The following PAPSS2 variants were observed in gnomAD, a reference collection of about 807,000 sequenced individuals.
PAPSS2 encodes bifunctional 3'-phosphoadenosine 5'-phosphosulfate synthase 2.
PAPSS2 carries 61 observed loss-of-function variants against 66.5 expected under a neutral mutation model. The ratio of observed to expected loss-of-function variants is 0.92; its 90% CI spans 0.75 to 1.14. The LOEUF (loss-of-function observed/expected upper bound fraction) is 1.14, where lower values mean the gene tolerates loss of function less well. PAPSS2 is among the 50% of genes most tolerant of loss of function. The probability of loss-of-function intolerance (pLI) is 0.00; values close to 1 mark genes in which losing one functional copy is unlikely to be tolerated. For missense variants in PAPSS2, 708 were observed against 789.6 expected (o/e 0.90, Z 1.24); for synonymous variants, 289 against 287.5 (o/e 1.01, Z -0.05).
At chr10:87,671,316 T>C (rs1852875434) in intron 1 of PAPSS2, among the ~76,000 whole-genome samples, 1 of 152,232 alleles carries the variant, frequency 6.6e-6, no homozygotes, top group African/African-American at 2.4e-5. Context: ...TTGAAAGGGA[T>C]TTCCTTAGGG....
In PAPSS2 at chr10:87,746,110, A is replaced by C; in HGVS notation, c.*140A>C. On this transcript the variant is annotated 3_prime_UTR_variant, in exon 13 of 13. Transcript: ENST00000456849. ...GAAGTAAAAGTTGTGTCTATAATTA[A>C]AAAAAAATATATATATATACACACA... 2 of 544,354 alleles carry C rather than the reference A, an allele frequency of 3.7e-6. No homozygotes were observed. The highest frequency in any genetic ancestry group is 5.6e-4 in the Middle Eastern group (1 of 1,788). The allele number at this position is 544,354 out of a possible 1,614,324, so 33.7% of individuals were successfully genotyped here. A position where few individuals can be genotyped will look rare whatever the true frequency, so the allele number is the denominator to read the frequency against.
intron 10 of PAPSS2, among the ~76,000 whole-genome samples, chr10:87,743,161 G>A (rs578037008): frequency 5.3e-5 from 8 of 151,364 alleles, no homozygotes; most frequent in South Asian, 2.1e-4. Flanking sequence ...CAGGAGAATC[G>A]CTTGAATCCT....
intron 7 of PAPSS2, among the ~76,000 whole-genome samples, chr10:87,717,069 T>G (rs1005821092): frequency 1.3e-5 from 2 of 152,158 alleles, no homozygotes; most frequent in African/African-American, 4.8e-5. Flanking sequence ...CCTGGCCCAG[T>G]GCTCCTTACA....
At chr10:87,707,564 C>CTTTTTTTTTTT (rs747152482) in intron 1 of PAPSS2, among the ~76,000 whole-genome samples, 70 of 93,922 alleles carry the variant, frequency 7.5e-4, no homozygotes, top group Non-Finnish European at 9.4e-4. Flanking sequence ...TCTTTTTTTT[C>CTTTTTTTTTTT]TTTTTTTTTT....
At chr10:87,745,327 C>T (rs1363995346) in intron 12 of PAPSS2, 96 bp downstream of exon 12, 1 of 922,752 alleles carries the variant, frequency 1.1e-6, no homozygotes, top group Admixed American at 2.0e-5. Flanking sequence ...AGTGCATTGC[C>T]ACATGCTCCC....
Position 87,726,936 on chromosome 10 carries a change from G to T in PAPSS2, c.881-348G>T, listed in dbSNP as rs567148843. Reference sequence around the variant, plus strand: ...TTTGCTAGCTTAATTTTATTTAATTGGGTTTTGGAAAATTTTAAACTCCCT... The same window carrying T: ...TTTGCTAGCTTAATTTTATTTAATTTGGTTTTGGAAAATTTTAAACTCCCT... On this transcript the variant is annotated intron_variant, in intron 8 of 12. Transcript: ENST00000456849. Among the ~76,000 whole-genome samples, 4 of 152,234 alleles carry T rather than the reference G, an allele frequency of 2.6e-5. No homozygotes were observed. The South Asian group carries it at 8.3e-4, about 32-fold the overall frequency.
intron 10 of PAPSS2, 49 bp from the exon 11 acceptor site, chr10:87,743,324 T>C (rs1296341339): frequency 5.1e-6 from 8 of 1,581,206 alleles, no homozygotes; most frequent in African/African-American, 1.4e-5. Context: ...TGTGGAGAAA[T>C]GACACCATGT....
intron 1 of PAPSS2, among the ~76,000 whole-genome samples, chr10:87,665,801 T>C (rs1381766901): frequency 1.3e-5 from 2 of 152,160 alleles, no homozygotes; most frequent in African/African-American, 4.8e-5. Context: ...CCTCTCTCAG[T>C]GAAGCTGTCA....
At chr10:87,721,828 C>T (rs558279992) in intron 8 of PAPSS2, 58 bp downstream of exon 8, 24 of 993,420 alleles carry the variant, frequency 2.4e-5, no homozygotes, top group Middle Eastern at 2.7e-4. Context: ...GTTAAATTAA[C>T]TGGAAATGGT....
At chr10:87,722,700 A>C (rs1291654246) in intron 8 of PAPSS2, among the ~76,000 whole-genome samples, 1 of 152,252 alleles carries the variant, frequency 6.6e-6, no homozygotes, top group South Asian at 2.1e-4. Flanking sequence ...GTTGAAAGTC[A>C]TGGGTGATGT....
intron 1 of PAPSS2, among the ~76,000 whole-genome samples, chr10:87,662,868 TTTTC>T (rs1158209896): frequency 4.6e-5 from 7 of 151,608 alleles, no homozygotes; most frequent in Admixed American, 4.6e-4. Context: ...TCCTTATTTA[TTTTC>T]TTTCTTTCTT....
At chr10:87,742,562 C>G (rs1397292853) in intron 10 of PAPSS2, among the ~76,000 whole-genome samples, 2 of 152,084 alleles carry the variant, frequency 1.3e-5, no homozygotes, top group Non-Finnish European at 2.9e-5. Context: ...ATACTATAGA[C>G]ATAAAAATTA....
In PAPSS2 at chr10:87,743,491, C is replaced by A. The variant is rs1853897673; in HGVS notation, c.1341C>A (p.His447Gln). Residue 447 changes from histidine to glutamine, a missense_variant, in exon 11 of 13, where the codon CAC becomes CAA. By Grantham distance (24) the His-to-Gln change is conservative. Coordinates refer to ENST00000456849, the MANE Select transcript of PAPSS2 (RefSeq NM_001015880.2). Reference protein sequence around the residue: ...RGYKHPVLLLHPLGGWTKDDD... With the variant: ...RGYKHPVLLLQPLGGWTKDDD... Reference sequence around the variant, plus strand: ...ACAAGCACCCGGTCCTCCTACTACACCCTCTGGGCGGCTGGACCAAGGATG... The same window carrying A: ...ACAAGCACCCGGTCCTCCTACTACAACCTCTGGGCGGCTGGACCAAGGATG... 1.9e-6 allele frequency: 3 copies of A among 1,614,040 alleles called. No individual in the cohort carries two copies. The highest frequency in any genetic ancestry group is 2.5e-6 in the Non-Finnish European group (3 of 1,180,024).
intron 9 of PAPSS2, among the ~76,000 whole-genome samples, chr10:87,739,330 GC>G (rs1357892915): frequency 6.6e-6 from 1 of 152,162 alleles, no homozygotes; most frequent in Non-Finnish European, 1.5e-5. Flanking sequence ...TAGGGTTTTA[GC>G]TAATAGTCTA....
chr10:87,745,293 T>A, intron 12 of PAPSS2, 62 bp downstream of exon 12: 1 of 1,377,132 alleles, frequency 7.3e-7, no homozygotes, highest in Non-Finnish European at 1.0e-6. Context: ...TGAGGCAGAA[T>A]TTGGGCCCTT....
intron 1 of PAPSS2, among the ~76,000 whole-genome samples, chr10:87,693,009 T>A (rs1853190059): frequency 6.6e-6 from 1 of 152,218 alleles, no homozygotes; most frequent in African/African-American, 2.4e-5. Flanking sequence ...GGAAGTCATA[T>A]TACAGTGAAT....
chr10:87,661,016 G>A (rs1485104343), intron 1 of PAPSS2: 1 of 455,948 alleles, frequency 2.2e-6, no homozygotes, highest in Non-Finnish European at 4.4e-6. Flanking sequence ...TGAATGGGTT[G>A]ACCTCTCTCT....
At chr10:87,662,509 C>T (rs1484796881) in intron 1 of PAPSS2, among the ~76,000 whole-genome samples, 2 of 152,056 alleles carry the variant, frequency 1.3e-5, no homozygotes, top group African/African-American at 4.8e-5. Flanking sequence ...CACATTCATC[C>T]CTTCATCATT....
At chr10:87,673,689 C>CTTTT (rs34935261) in intron 1 of PAPSS2, among the ~76,000 whole-genome samples, 179 of 67,344 alleles carry the variant, frequency 2.7e-3, no homozygotes, top group South Asian at 5.8e-3. Flanking sequence ...TTTTGGCTTA[C>CTTTT]TTTTTTTTTT....
Sources: gnomAD v4.1 joint callset for allele counts (sites outside exome capture counted in the v4.1 genomes callset) on GRCh38, gnomAD v4.1.1 for gene constraint, MANE v1.5 for transcripts, NCBI Gene and HGNC (gene_info 2026-07-23, HGNC 2026-07-21) for gene names.